ONECUT1: variants seen among roughly 807,000 people sequenced by gnomAD.
ONECUT1 encodes the protein hepatocyte nuclear factor 6.
A neutral mutation model predicts 25.6 loss-of-function variants in ONECUT1; 12 were observed. The observed-to-expected ratio is 0.47, with a 90% CI of 0.30 to 0.76. The LOEUF is 0.76. ONECUT1 is among the 30% of genes least tolerant of loss of function. The probability of loss-of-function intolerance (pLI) is 0.07; values close to 1 mark genes in which losing one functional copy is unlikely to be tolerated. For missense variants in ONECUT1, 620 were observed against 651.2 expected (o/e 0.95, Z 0.52); for synonymous variants, 285 against 270.2 (o/e 1.05, Z -0.54).
At chr15:52,775,108 T>C (rs2083791453) in intron 1 of ONECUT1, among the ~76,000 whole-genome samples, 1 of 151,470 alleles carries the variant, frequency 6.6e-6, no homozygotes, top group African/African-American at 2.4e-5. Context: ...GAGAATCACT[T>C]GAACCCAGGA....
intron 1 of ONECUT1, among the ~76,000 whole-genome samples, chr15:52,775,186 T>TA (rs34002754): frequency 0.54 from 72,482 of 135,368 alleles, 18,610 homozygotes; most frequent in Non-Finnish European, 0.54. Flanking sequence ...CAAGACTGTC[T>TA]AAAAAAAAAA....
Position 52,789,900 on chromosome 15 carries a change from C to T in ONECUT1, c.-16G>A. The T allele has an allele frequency of 2.0e-6, 3 of 1,513,732 alleles. No individual in the cohort carries two copies. The highest frequency in any genetic ancestry group is 2.6e-6 in the Non-Finnish European group (3 of 1,143,254). 93.8% of individuals were successfully genotyped at this position (1,513,732 alleles called of 1,614,324 possible). ...GCGCGTTCATCGTGATCCGGGCGAG[C>T]AGGCGGCGGACACAACATCGATGTG... On this transcript the variant is annotated 5_prime_UTR_variant, in exon 1 of 2. Coordinates refer to ENST00000305901, the MANE Select transcript of ONECUT1 (RefSeq NM_004498.4). The surrounding 1 kb of genome is among the most constrained non-coding windows in gnomAD (Gnocchi z 4.1).
Position 52,784,670 on chromosome 15 carries a change from C to T in ONECUT1, c.1105+4110G>A, listed in dbSNP as rs928186510. The stretch of plus-strand genomic sequence containing the variant: ...TCCTACACCCTCGAGGGGACAGACA[C>T]CGGCCGTGAGACAGGCACCACGCAG... On this transcript the variant is annotated intron_variant, in intron 1 of 1. Transcript: ENST00000305901. This position sits in a 1 kb window ranked among gnomAD's most constrained non-coding sequence, Gnocchi z 5.0. Among the ~76,000 whole-genome samples the T allele has an allele frequency of 6.6e-6, 1 of 152,240 alleles. No homozygotes were observed. The highest frequency in any genetic ancestry group is 1.5e-5 in the Non-Finnish European group (1 of 68,036).
intron 1 of ONECUT1, among the ~76,000 whole-genome samples, chr15:52,763,823 C>A (rs1566989163): frequency 1.3e-5 from 2 of 152,184 alleles, no homozygotes; most frequent in Non-Finnish European, 2.9e-5. Flanking sequence ...TGAGAATAAG[C>A]AATTAGAAAT....
intron 1 of ONECUT1, among the ~76,000 whole-genome samples, chr15:52,779,581 T>G (rs2083826663): frequency 6.6e-6 from 1 of 152,220 alleles, no homozygotes; most frequent in Non-Finnish European, 1.5e-5. Context: ...AATTATCTGA[T>G]TGATCATTCT....
rs1188355791 is a variant in ONECUT1 at position 52,760,721 on chromosome 15, G to A, written c.1106-2874C>T. The stretch of plus-strand genomic sequence containing the variant: ...CAAGAAGGAAAGGCTGTGGGAGATG[G>A]CTTCGTGCATAGACAGAGTTCAGAT... On this transcript the variant is annotated intron_variant, in intron 1 of 1. Coordinates refer to ENST00000305901, the MANE Select transcript of ONECUT1 (RefSeq NM_004498.4). Among the ~76,000 whole-genome samples the A allele has an allele frequency of 2.6e-5, 4 of 152,222 alleles. No individual in the cohort carries two copies. The East Asian group carries it at 5.8e-4, about 22-fold the overall frequency.
Position 52,756,430 on chromosome 15 carries a change from C to G in ONECUT1, c.*1125G>C, listed in dbSNP as rs1280483326. ...TTTTACTAAAAAGCATTACTTTGAA[C>G]AAATTTTCTAATTTAGTTACCCTCC... On this transcript the variant is annotated 3_prime_UTR_variant, in exon 2 of 2. Coordinates refer to ENST00000305901, the MANE Select transcript of ONECUT1 (RefSeq NM_004498.4). 6.6e-6 allele frequency among the ~76,000 whole-genome samples: 1 copy of G among 152,090 alleles called. No individual in the cohort carries two copies. The highest frequency in any genetic ancestry group is 1.5e-5 in the Non-Finnish European group (1 of 68,016).
At chr15:52,782,229 T>C (rs2083845866) in intron 1 of ONECUT1, among the ~76,000 whole-genome samples, 1 of 152,172 alleles carries the variant, frequency 6.6e-6, no homozygotes, top group Admixed American at 6.5e-5. Context: ...TATGATACCG[T>C]AACATCTCTT....
chr15:52,775,424 G>A (rs1031418373), intron 1 of ONECUT1, among the ~76,000 whole-genome samples: 1 of 151,036 alleles, frequency 6.6e-6, no homozygotes, highest in African/African-American at 2.4e-5. Context: ...TGGGAGATGG[G>A]AGAGGCCCTT....
intron 1 of ONECUT1, among the ~76,000 whole-genome samples, chr15:52,774,955 T>G (rs1192305136): frequency 6.6e-6 from 1 of 152,066 alleles, no homozygotes; most frequent in African/African-American, 2.4e-5. Context: ...AATAAGAGGT[T>G]GAGGTGGGCA....
chr15:52,786,645 C>T (rs181215917), intron 1 of ONECUT1, among the ~76,000 whole-genome samples: 1 of 152,252 alleles, frequency 6.6e-6, no homozygotes, highest in Non-Finnish European at 1.5e-5. Flanking sequence ...GGCTCCCTCC[C>T]CCTCCACAGT....
chr15:52,789,974 C>A lies in ONECUT1; in HGVS notation c.-90G>T. The A allele has an allele frequency of 7.0e-7, 1 of 1,427,868 alleles. No homozygotes were observed. The highest frequency in any genetic ancestry group is 9.1e-7 in the Non-Finnish European group (1 of 1,097,970). The allele number at this position is 1,427,868 out of a possible 1,614,324, so 88.4% of individuals were successfully genotyped here. On this transcript the variant is annotated 5_prime_UTR_variant, in exon 1 of 2. Coordinates refer to ENST00000305901, the MANE Select transcript of ONECUT1 (RefSeq NM_004498.4). The surrounding 1 kb of genome is among the most constrained non-coding windows in gnomAD (Gnocchi z 4.1). ...GCACGGAGTCCGGTCTTCACATCGG[C>A]TGCTGGCGACTGTTGCCTTCCTTCC... is the stretch of plus-strand genomic sequence containing the variant.
chr15:52,789,410 C>T lies in ONECUT1; in HGVS notation c.475G>A (p.Ala159Thr). Reference protein sequence around the residue: ...FTLMRDERGLASMNNLYTPYH... With the variant: ...FTLMRDERGLTSMNNLYTPYH... ...GGGGTATAGAGGTTATTCATGGAGG[C>T]CAGCCCGCGCTCATCCCGCATGAGC... The change falls in exon 1 of 2, where the codon GCC becomes ACC. Residue 159 changes from alanine (A) to threonine (T), a missense_variant. By Grantham distance (58) the Ala-to-Thr change is moderately conservative. Coordinates refer to ENST00000305901, the MANE Select transcript of ONECUT1 (RefSeq NM_004498.4). The surrounding 1 kb of genome is among the most constrained non-coding windows in gnomAD (Gnocchi z 4.1). 3 of 1,613,866 alleles carry T rather than the reference C, an allele frequency of 1.9e-6. No homozygotes were observed. The highest frequency in any genetic ancestry group is 2.5e-6 in the Non-Finnish European group (3 of 1,179,944).
chr15:52,758,530 C>T (rs533704630), intron 1 of ONECUT1, among the ~76,000 whole-genome samples: 15 of 152,146 alleles, frequency 9.9e-5, no homozygotes, highest in Middle Eastern at 3.4e-3. Context: ...AGGTGTGAAC[C>T]GCTCTTCTTC....
Position 52,789,167 on chromosome 15 carries a change from C to T in ONECUT1, c.718G>A (p.Gly240Ser), listed in dbSNP as rs758888802. ...GGAAGGCCGTTGATGGGCACCATGCCGGCCGAGGTGGGCGTGAGGTGCTGC... is the reference window on the plus strand; with the variant it reads ...GGAAGGCCGTTGATGGGCACCATGCTGGCCGAGGTGGGCGTGAGGTGCTGC... ...GEQHLTPTSA[G>S]MVPINGLPPH... Residue 240 changes from glycine (G) to serine (S), a missense_variant, in exon 1 of 2, where the codon GGC becomes AGC. This residue lies in a region of ONECUT1 where 440 missense variants were observed against 404.9 expected (regional missense o/e 1.09). Coordinates refer to ENST00000305901, the MANE Select transcript of ONECUT1 (RefSeq NM_004498.4). The surrounding 1 kb of genome is among the most constrained non-coding windows in gnomAD (Gnocchi z 4.1). 3 of 1,589,150 alleles carry T rather than the reference C, an allele frequency of 1.9e-6. No homozygotes were observed. The highest frequency in any genetic ancestry group is 1.7e-5 in the Admixed American group (1 of 59,350).
intron 1 of ONECUT1, among the ~76,000 whole-genome samples, chr15:52,766,655 G>T (rs2141449930): frequency 6.6e-6 from 1 of 152,352 alleles, no homozygotes; most frequent in African/African-American, 2.4e-5. Flanking sequence ...TGTCAGGAAG[G>T]ATGCAGGGGA....
intron 1 of ONECUT1, among the ~76,000 whole-genome samples, chr15:52,775,924 T>A (rs1325844250): frequency 6.6e-6 from 1 of 152,234 alleles, no homozygotes; most frequent in Non-Finnish European, 1.5e-5. Context: ...TAGACAGCTC[T>A]TGAGCTACCA....
chr15:52,782,115 C>T (rs1031939935), intron 1 of ONECUT1, among the ~76,000 whole-genome samples: 1 of 152,070 alleles, frequency 6.6e-6, no homozygotes, highest in Non-Finnish European at 1.5e-5. Context: ...AAACATGTGC[C>T]GTGGTGGTTT....
intron 1 of ONECUT1, among the ~76,000 whole-genome samples, chr15:52,759,610 AT>A (rs559055675): frequency 6.6e-6 from 1 of 152,060 alleles, no homozygotes; most frequent in Non-Finnish European, 1.5e-5. Context: ...ATACAAAGAC[AT>A]TTTTTTGAGA....
Sources: allele counts gnomAD v4.1 joint callset (sites outside exome capture counted in the v4.1 genomes callset), GRCh38; gene constraint gnomAD v4.1.1; regional missense constraint gnomAD v4.1.1; non-coding constraint Gnocchi (gnomAD v3.1); transcripts MANE v1.5; gene names NCBI Gene and HGNC (gene_info 2026-07-23, HGNC 2026-07-21).